Variants in IL1RAPL1 observed in about 807,000 individuals in gnomAD.
IL1RAPL1 encodes the protein interleukin-1 receptor accessory protein-like 1.
Under a neutral mutation model 48.4 loss-of-function variants are expected in IL1RAPL1, and 3 were observed. The ratio of observed to expected loss-of-function variants is 0.06; its 90% CI spans 0.03 to 0.16. The LOEUF (loss-of-function observed/expected upper bound fraction) is 0.16, where lower values mean the gene tolerates loss of function less well. Ranked by LOEUF, IL1RAPL1 falls within the 10% of genes least tolerant of loss-of-function variation. The pLI is 1.00. For synonymous variants in IL1RAPL1, 185 were observed against 187.7 expected (o/e 0.99, Z 0.12); for missense variants, 349 against 530.6 (o/e 0.66, Z 3.36).
intron 5 of IL1RAPL1, among the ~76,000 whole-genome samples, chrX:29,490,865 T>TATATACGTATATATATATATA (rs778859346): frequency 1.9e-5 from 2 of 107,597 alleles, no homozygotes; most frequent in Admixed American, 9.9e-5. Context: ...TATATATATA[T>TATATACGTATATATATATATA]TCTGAGTGTG....
chrX:28,987,252 T>C (rs1343450309), intron 2 of IL1RAPL1, among the ~76,000 whole-genome samples: 1 of 112,434 alleles, frequency 8.9e-6, no homozygotes, highest in South Asian at 3.7e-4. Context: ...CTATCAGAGA[T>C]TGAGTTCTCC....
In IL1RAPL1 at chrX:29,738,481, C is replaced by T. The variant is rs752349670; in HGVS notation, c.778+69977C>T. Among the ~76,000 whole-genome samples, 5 of 93,820 alleles carry T rather than the reference C, an allele frequency of 5.3e-5. No individual in the cohort carries two copies. The South Asian group carries it at 1.6e-3, about 30-fold the overall frequency. The allele number at this position is 93,820 out of a possible 115,157, so 81.5% of individuals were successfully genotyped here. On this transcript the variant is annotated intron_variant, in intron 6 of 10. Transcript: ENST00000378993. ...TTTTTTTTTTTTTGATTCAGGGTCT[C>T]ACTCTGTCAGGCTGGAGTGTATGGT... is the stretch of plus-strand genomic sequence containing the variant.
At chrX:29,487,499 A>G (rs1935109242) in intron 5 of IL1RAPL1, among the ~76,000 whole-genome samples, 1 of 111,763 alleles carries the variant, frequency 8.9e-6, no homozygotes, top group Non-Finnish European at 1.9e-5. Flanking sequence ...AGAAAAGAAG[A>G]TGGGCGTGCA....
At chrX:29,328,720 G>C (rs763272513) in intron 3 of IL1RAPL1, among the ~76,000 whole-genome samples, 4 of 108,921 alleles carry the variant, frequency 3.7e-5, no homozygotes, top group Non-Finnish European at 7.6e-5. Flanking sequence ...GTAGAAAGTT[G>C]GTTTGAGATT....
chrX:28,865,211 G>A (rs1251466169), intron 2 of IL1RAPL1, among the ~76,000 whole-genome samples: 5 of 111,423 alleles, frequency 4.5e-5, no homozygotes. Flanking sequence ...GTCAAGGCGG[G>A]CAGATCACCT....
intron 1 of IL1RAPL1, among the ~76,000 whole-genome samples, chrX:28,696,686 A>T (rs916095536): frequency 9.0e-6 from 1 of 111,392 alleles, no homozygotes; most frequent in African/African-American, 3.2e-5. Context: ...ACATACAAAA[A>T]TTTCACATTA....
rs192986118 is a variant in IL1RAPL1 at position 29,055,905 on chromosome X, T to A, written c.83-227033T>A. Reference sequence around the variant, plus strand: ...TCCCATGTCTATTTTAGGATAGATTTAATCATAAAATGATTTACCTTGGGC... The same window carrying A: ...TCCCATGTCTATTTTAGGATAGATTAAATCATAAAATGATTTACCTTGGGC... On this transcript the variant is annotated intron_variant, in intron 2 of 10. Transcript: ENST00000378993. Among the ~76,000 whole-genome samples, 11 of 111,911 alleles carry A rather than the reference T, an allele frequency of 9.8e-5. No homozygotes were observed. In the East Asian group the frequency reaches 3.1e-3, roughly 31 times the overall value.
intron 1 of IL1RAPL1, among the ~76,000 whole-genome samples, chrX:28,672,796 A>G (rs765485017): frequency 2.7e-5 from 3 of 111,558 alleles, no homozygotes; most frequent in South Asian, 3.7e-4. Flanking sequence ...CTCATTTCCA[A>G]GGTCTTCTTT....
intron 2 of IL1RAPL1, among the ~76,000 whole-genome samples, chrX:28,989,450 C>G (rs188798309): frequency 2.8e-4 from 32 of 112,611 alleles, no homozygotes; most frequent in Middle Eastern, 4.6e-3. Flanking sequence ...TCTTAACATG[C>G]TGAAGAATAT....
At chrX:29,811,825 A>C (rs895893186) in intron 6 of IL1RAPL1, among the ~76,000 whole-genome samples, 2 of 112,111 alleles carry the variant, frequency 1.8e-5, no homozygotes, top group African/African-American at 6.5e-5. Flanking sequence ...CACATAGATA[A>C]CCAAAATCTT....
At chrX:29,362,654 A>G (rs950241500) in intron 3 of IL1RAPL1, among the ~76,000 whole-genome samples, 7 of 112,066 alleles carry the variant, frequency 6.2e-5, no homozygotes, top group African/African-American at 9.7e-5. Context: ...GACTCCGCTT[A>G]GAAACCACCA....
chrX:29,258,605 T>G (rs1931796842), intron 2 of IL1RAPL1, among the ~76,000 whole-genome samples: 1 of 111,180 alleles, frequency 9.0e-6, no homozygotes, highest in Non-Finnish European at 1.9e-5. Flanking sequence ...TTAGTTTTTT[T>G]TTTTTAGAAA....
intron 1 of IL1RAPL1, among the ~76,000 whole-genome samples, chrX:28,711,962 C>T (rs1381141161): frequency 1.8e-5 from 2 of 110,661 alleles, no homozygotes; most frequent in East Asian, 5.7e-4. Flanking sequence ...TTCTTATACA[C>T]ATAAGAGAAC....
chrX:29,709,540 C>T (rs1182037308), intron 6 of IL1RAPL1, among the ~76,000 whole-genome samples: 5 of 110,302 alleles, frequency 4.5e-5, no homozygotes, highest in East Asian at 2.9e-4. Flanking sequence ...TTTGTTTTGT[C>T]GGGACCATAC....
intron 5 of IL1RAPL1, among the ~76,000 whole-genome samples, chrX:29,530,001 C>T (rs1202061515): frequency 2.7e-5 from 3 of 111,556 alleles, no homozygotes; most frequent in Non-Finnish European, 1.9e-5. Flanking sequence ...TAGCAGAGGG[C>T]CTGCCTGGCA....
At chrX:29,854,708 G>A (rs1019161589) in intron 6 of IL1RAPL1, among the ~76,000 whole-genome samples, 6 of 111,336 alleles carry the variant, frequency 5.4e-5, no homozygotes, top group African/African-American at 1.6e-4. Context: ...TTAGAGTAAT[G>A]ATTGAATTAT....
chrX:28,855,846 ATCTT>A (rs957539025), intron 2 of IL1RAPL1, among the ~76,000 whole-genome samples: 8 of 111,726 alleles, frequency 7.2e-5, no homozygotes, highest in African/African-American at 2.6e-4. Context: ...AATAGGAAAA[ATCTT>A]AATTATAAGG....
chrX:29,115,653 A>C (rs1205142473), intron 2 of IL1RAPL1, among the ~76,000 whole-genome samples: 1 of 110,217 alleles, frequency 9.1e-6, no homozygotes. Context: ...CTATTGCTGG[A>C]TTTAAAAAAT....
intron 5 of IL1RAPL1, among the ~76,000 whole-genome samples, chrX:29,443,317 TTAA>T (rs1241353590): frequency 1.8e-5 from 2 of 110,260 alleles, no homozygotes; most frequent in African/African-American, 6.6e-5. Context: ...ACTGAATATG[TTAA>T]TAATTTATTC....
Sources: gnomAD v4.1 joint callset for allele counts (sites outside exome capture counted in the v4.1 genomes callset) on GRCh38, gnomAD v4.1.1 for gene constraint, MANE v1.5 for transcripts, NCBI Gene and HGNC (gene_info 2026-07-23, HGNC 2026-07-21) for gene names.